Variants in ABCA9 observed in about 807,000 individuals in gnomAD.
ABCA9 encodes ATP-binding cassette sub-family A member 9.
ABCA9 carries 183 observed loss-of-function variants against 205.3 expected under a neutral mutation model. The ratio of observed to expected loss-of-function variants is 0.89; its 90% CI spans 0.79 to 1.01. The LOEUF is 1.01. Among genes scored for constraint, ABCA9 ranks in the 50% least tolerant of loss-of-function variants. The probability of loss-of-function intolerance (pLI) is 0.00; values close to 1 mark genes in which losing one functional copy is unlikely to be tolerated. For synonymous variants in ABCA9, 651 were observed against 683.3 expected (o/e 0.95, Z 0.74); for missense variants, 1,805 against 1,912.4 (o/e 0.94, Z 1.05).
At chr17:69,056,823 G>T (rs2072083956) in intron 1 of ABCA9, among the ~76,000 whole-genome samples, 1 of 152,228 alleles carries the variant, frequency 6.6e-6, no homozygotes, top group East Asian at 1.9e-4. Flanking sequence ...TAACTATTTT[G>T]GAATAGTTAA....
chr17:69,028,356 G>A (rs1030956827), intron 12 of ABCA9, among the ~76,000 whole-genome samples, 179 bp downstream of exon 12: 4 of 152,018 alleles, frequency 2.6e-5, no homozygotes, highest in Non-Finnish European at 5.9e-5. Context: ...TAGTAGAGAC[G>A]GGGTTTCACC....
intron 35 of ABCA9, 67 bp from the exon 36 acceptor site, chr17:68,983,916 C>A (rs2069143721): frequency 6.2e-7 from 1 of 1,608,448 alleles, no homozygotes; most frequent in Admixed American, 1.7e-5. Context: ...GATGTTCAGC[C>A]TCTGGAGGCC....
intron 37 of ABCA9, among the ~76,000 whole-genome samples, 156 bp from the exon 38 acceptor site, chr17:68,976,346 C>G (rs1334537777): frequency 2.0e-5 from 3 of 152,048 alleles, no homozygotes; most frequent in Non-Finnish European, 1.5e-5. Flanking sequence ...GCGATATAGT[C>G]ATATAACAGG....
chr17:69,016,668 T>C (rs971354426), intron 21 of ABCA9, among the ~76,000 whole-genome samples: 1 of 152,138 alleles, frequency 6.6e-6, no homozygotes, highest in Non-Finnish European at 1.5e-5. Flanking sequence ...GCAGCAACAC[T>C]ACGAAACTCC....
intron 1 of ABCA9, among the ~76,000 whole-genome samples, chr17:69,052,553 T>C (rs941180761): frequency 6.6e-6 from 1 of 152,112 alleles, no homozygotes; most frequent in Non-Finnish European, 1.5e-5. Flanking sequence ...GTAGACAATA[T>C]GTAACGAGGG....
At chr17:69,028,075 T>C (rs1362249992) in intron 12 of ABCA9, among the ~76,000 whole-genome samples, 1 of 152,204 alleles carries the variant, frequency 6.6e-6, no homozygotes, top group Non-Finnish European at 1.5e-5. Context: ...TAAATAGGTA[T>C]AATACAATTC....
In ABCA9 at chr17:69,032,168, G is replaced by C; in HGVS notation, c.1385C>G (p.Pro462Arg). The change falls in exon 10 of 39, where the codon CCT (proline) becomes CGT (arginine). Residue 462 changes from proline to arginine, a missense_variant. Pro to Arg is a moderately radical substitution (Grantham distance 103). Transcript: ENST00000340001. ...TGGTTCAAAACAGTCATTAGGTGTA[G>C]GATCAGAATCTGTTTCATTCTCAAG... ...VVLENETDSD[P>R]TPNDCFEPVS... is the part of the protein sequence containing the mutation. 1 of 1,613,942 alleles carries C rather than the reference G, an allele frequency of 6.2e-7. No individual in the cohort carries two copies. The highest frequency in any genetic ancestry group is 8.5e-7 in the Non-Finnish European group (1 of 1,179,888).
At chr17:68,984,764 TCCTAAAATATTGC>T in intron 34 of ABCA9, 108 bp downstream of exon 34, 1 of 1,299,306 alleles carries the variant, frequency 7.7e-7, no homozygotes, top group African/African-American at 1.5e-5. Flanking sequence ...TAATTTTTTT[TCCTAAAATATTGC>T]TTTTCCTGAT....
chr17:69,033,832 C>T lies in ABCA9; in HGVS notation c.1170G>A (p.Leu390=), dbSNP rs1167776782. ...TGAGGTATGGATTTTGTGAAGAATC[C>T]AAGTGGGCATTAGAATTCACATCAT... ...LDYDVNSNAH[L]DSSQNPYLII... Residue 390 remains leucine, a synonymous_variant, in exon 9 of 39, where the codon TTG becomes TTA. Coordinates refer to ENST00000340001, the MANE Select transcript of ABCA9 (RefSeq NM_080283.4). 2 of 1,606,880 alleles carry T rather than the reference C, an allele frequency of 1.2e-6. No individual in the cohort carries two copies. The highest frequency in any genetic ancestry group is 2.2e-5 in the South Asian group (2 of 90,138).
intron 37 of ABCA9, 97 bp downstream of exon 37, chr17:68,982,465 C>T (rs977345952): frequency 1.1e-6 from 1 of 928,198 alleles, no homozygotes; most frequent in African/African-American, 1.6e-5. Context: ...GATATAACAG[C>T]ATAATTCTAT....
At chr17:69,064,221 G>A (rs887619932), upstream of ABCA9, among the ~76,000 whole-genome samples, 3 of 152,076 alleles carry the variant, frequency 2.0e-5, no homozygotes, top group Non-Finnish European at 2.9e-5. Context: ...TTTCTGTAGT[G>A]ATTGTGTTTT....
In ABCA9 at chr17:69,045,297, T is replaced by C; in HGVS notation, c.344A>G (p.Asp115Gly). 5 of 1,612,792 alleles carry C rather than the reference T, an allele frequency of 3.1e-6. No homozygotes were observed. The highest frequency in any genetic ancestry group is 4.2e-6 in the Non-Finnish European group (5 of 1,179,318). ...TATTGAATAGTTCAAATCCAATTCATCCATGCTTTTTTCATCAGGCCACCC... is the reference window on the plus strand; with the variant it reads ...TATTGAATAGTTCAAATCCAATTCACCCATGCTTTTTTCATCAGGCCACCC... Reference protein sequence around the residue: ...IMGWPDEKSMDELDLNYSIDA... With the variant: ...IMGWPDEKSMGELDLNYSIDA... Residue 115 changes from aspartate (D) to glycine (G), a missense_variant, in exon 4 of 39, where the codon GAT becomes GGT. Coordinates refer to ENST00000340001, the MANE Select transcript of ABCA9 (RefSeq NM_080283.4).
chr17:69,004,548 G>A lies in ABCA9; in HGVS notation c.3435+3211C>T, dbSNP rs571549932. Reference sequence around the variant, plus strand: ...GACAGGGACATTTAAGTCTGCAGAGGTTACTGCTGTCTTTTTGTTTGTCTG... The same window carrying A: ...GACAGGGACATTTAAGTCTGCAGAGATTACTGCTGTCTTTTTGTTTGTCTG... On this transcript the variant is annotated intron_variant, in intron 25 of 38. Coordinates refer to ENST00000340001, the MANE Select transcript of ABCA9 (RefSeq NM_080283.4). Among the ~76,000 whole-genome samples the A allele has an allele frequency of 4.6e-5, 7 of 152,390 alleles. No individual in the cohort carries two copies. The South Asian group carries it at 1.4e-3, about 32-fold the overall frequency.
Position 68,982,562 on chromosome 17 carries a change from C to T in ABCA9, c.4720G>A (p.Val1574Ile). The change falls in exon 37 of 39, where the codon GTT becomes ATT. Residue 1574 changes from valine to isoleucine, a missense_variant and splice_region_variant. By Grantham distance (29) the Val-to-Ile change is conservative. Transcript: ENST00000340001. ...TTTGTCTCTAAACAGTCACTCTTAC[C>T]TATCTCTAATTTGAAGAAAGCCTGT... is the stretch of plus-strand genomic sequence containing the variant. The part of the protein sequence containing the change: ...LSQAFFKLEI[V>I]KQSFDLEEYS... 1.9e-6 allele frequency: 3 copies of T among 1,612,502 alleles called. No individual in the cohort carries two copies. The highest frequency in any genetic ancestry group is 2.2e-5 in the South Asian group (2 of 91,022).
At chr17:69,011,499 A>G (rs906879183) in intron 23 of ABCA9, among the ~76,000 whole-genome samples, 3 of 152,196 alleles carry the variant, frequency 2.0e-5, no homozygotes, top group Non-Finnish European at 4.4e-5. Flanking sequence ...GACATGGGAG[A>G]GTAGCAGATA....
intron 38 of ABCA9, 25 bp from the exon 39 acceptor site, chr17:68,976,038 A>G (rs1277925620): frequency 2.5e-6 from 4 of 1,605,924 alleles, no homozygotes; most frequent in East Asian, 4.5e-5. Context: ...AGAAATAAAG[A>G]GAGGAGAACA....
intron 37 of ABCA9, among the ~76,000 whole-genome samples, chr17:68,978,377 G>A (rs912166401): frequency 1.3e-5 from 2 of 152,010 alleles, no homozygotes; most frequent in African/African-American, 2.4e-5. Flanking sequence ...CATGTGAGAT[G>A]GGTTTCCTGA....
At chr17:68,991,100 C>A in intron 28 of ABCA9, 143 bp from the exon 29 acceptor site, 1 of 940,210 alleles carries the variant, frequency 1.1e-6, no homozygotes, top group Non-Finnish European at 1.6e-6. Context: ...TTGCACCATC[C>A]GCCTTTCAAA....
the ABCA9 span, chr17:69,078,894 T>A: frequency 1.3e-6 from 1 of 785,914 alleles, no homozygotes; most frequent in East Asian, 3.1e-5. Flanking sequence ...AAATGATCTT[T>A]AAAATTAAAC....
Sources: gnomAD v4.1 joint callset for allele counts (sites outside exome capture counted in the v4.1 genomes callset) on GRCh38, gnomAD v4.1.1 for gene constraint, MANE v1.5 for transcripts, NCBI Gene and HGNC (gene_info 2026-07-23, HGNC 2026-07-21) for gene names.